Variants in MARCHF1 observed in about 807,000 individuals in gnomAD.
The protein encoded by MARCHF1 is membrane associated ring-CH-type finger 1, also known as E3 ubiquitin-protein ligase MARCHF1.
Under a neutral mutation model 54.2 loss-of-function variants are expected in MARCHF1, and 40 were observed. That is an observed-to-expected ratio of 0.74 (90% CI 0.57 to 0.96). The LOEUF (loss-of-function observed/expected upper bound fraction) is 0.96. Ranked by LOEUF, MARCHF1 falls within the 40% of genes least tolerant of loss-of-function variation. The pLI is 0.00. For missense variants in MARCHF1, 586 were observed against 656.5 expected, an observed-to-expected ratio of 0.89 and a Z score of 1.17; for synonymous variants, 236 against 236.3, an observed-to-expected ratio of 1.00 and a Z score of 0.01.
intron 1 of MARCHF1, among the ~76,000 whole-genome samples, chr4:164,158,666 A>G (rs1239472737): frequency 6.6e-6 from 1 of 152,146 alleles, no homozygotes; most frequent in Non-Finnish European, 1.5e-5. Flanking sequence ...AATTAAAAAT[A>G]AATAAACAGT....
At chr4:163,651,349 T>G (rs926837548) in intron 5 of MARCHF1, among the ~76,000 whole-genome samples, 5 of 151,814 alleles carry the variant, frequency 3.3e-5, no homozygotes, top group African/African-American at 1.2e-4. Context: ...AAACAGATTT[T>G]CAACCAGTCC....
chr4:164,119,931 C>G (rs1240004478), intron 1 of MARCHF1, among the ~76,000 whole-genome samples: 1 of 149,732 alleles, frequency 6.7e-6, no homozygotes, highest in Non-Finnish European at 1.5e-5. Flanking sequence ...CTAATAATGC[C>G]AATAGTATTT....
At chr4:163,813,311 G>C (rs750577210) in intron 4 of MARCHF1, among the ~76,000 whole-genome samples, 31 of 152,148 alleles carry the variant, frequency 2.0e-4, no homozygotes, top group Non-Finnish European at 3.4e-4. Context: ...CTCAGACTTT[G>C]ATTTCAATTT....
chr4:163,651,530 T>C (rs1223918856), intron 5 of MARCHF1, among the ~76,000 whole-genome samples: 2 of 83,636 alleles, frequency 2.4e-5, no homozygotes, highest in Non-Finnish European at 4.7e-5. Flanking sequence ...CCATACTTTT[T>C]TTTTTTTTTT....
At chr4:164,053,675 C>T (rs910543413) in intron 2 of MARCHF1, among the ~76,000 whole-genome samples, 1 of 152,146 alleles carries the variant, frequency 6.6e-6, no homozygotes, top group Non-Finnish European at 1.5e-5. Flanking sequence ...TTTGTTTACA[C>T]TCCCAAAGAT....
chr4:164,155,334 C>A (rs1373470475), intron 1 of MARCHF1, among the ~76,000 whole-genome samples: 7 of 149,448 alleles, frequency 4.7e-5, no homozygotes, highest in Admixed American at 6.7e-5. Context: ...ACTAAACTTT[C>A]AAAAAAAAAA....
At chr4:163,913,203 T>C (rs1241254867) in intron 3 of MARCHF1, among the ~76,000 whole-genome samples, 1 of 152,226 alleles carries the variant, frequency 6.6e-6, no homozygotes, top group Non-Finnish European at 1.5e-5. Context: ...AAAGCCTCGT[T>C]ATGTGTTTGC....
rs138428604 is a variant in MARCHF1, at chr4:164,045,555, G to A, written c.-247-56846C>T. 3.0e-3 allele frequency among the ~76,000 whole-genome samples: 439 copies of A among 145,556 alleles called. 4 individuals carry two copies. The highest frequency in any genetic ancestry group is 0.011 in the African/African-American group (410 of 38,610). On this transcript the variant is annotated intron_variant, in intron 2 of 9. Coordinates refer to ENST00000514618, the MANE Select transcript of MARCHF1 (RefSeq NM_001394959.1). ...AATAAATAAATAAATAAATAAAACC[G>A]TTTATTTACCAAATTTTAAGGATTA... is the stretch of plus-strand genomic sequence containing the variant.
At chr4:163,806,757 A>G (rs1748235404) in intron 4 of MARCHF1, among the ~76,000 whole-genome samples, 1 of 152,168 alleles carries the variant, frequency 6.6e-6, no homozygotes, top group South Asian at 2.1e-4. Context: ...TTCCCAAGTT[A>G]AAAGGTTTCC....
intron 4 of MARCHF1, among the ~76,000 whole-genome samples, chr4:163,707,359 G>A (rs753613003): frequency 1.3e-5 from 2 of 152,010 alleles, no homozygotes; most frequent in African/African-American, 2.4e-5. Context: ...CTATTCACAA[G>A]AGAGGCAACA....
chr4:163,805,286 T>C (rs148365463), intron 4 of MARCHF1, among the ~76,000 whole-genome samples: 1,885 of 152,240 alleles, frequency 0.012, 23 homozygotes, highest in South Asian at 0.031. Flanking sequence ...TTTATAAGAA[T>C]GCCATAATTG....
rs142537460 is a variant in MARCHF1, at chr4:163,955,735, C to A, written c.-39+32766G>T. 3.4e-3 allele frequency among the ~76,000 whole-genome samples: 516 copies of A among 152,234 alleles called. 4 individuals carry two copies. Among genetic ancestry groups the A allele is most frequent in the African/African-American group, 0.012 (486 of 41,550 alleles). On this transcript the variant is annotated intron_variant, in intron 3 of 9. Transcript: ENST00000514618. Reference sequence around the variant, plus strand: ...ATTCTTCGCTTGCAATAGATTGTGACCCTCTCTAGGATAAGCATATTCCAG... The same window carrying A: ...ATTCTTCGCTTGCAATAGATTGTGAACCTCTCTAGGATAAGCATATTCCAG...
intron 4 of MARCHF1, among the ~76,000 whole-genome samples, chr4:163,762,472 G>A (rs564403960): frequency 6.6e-6 from 1 of 152,160 alleles, no homozygotes; most frequent in Non-Finnish European, 1.5e-5. Context: ...TGCATTACTT[G>A]TGCTATTTTT....
At chr4:163,983,318 G>T (rs1026692519) in intron 3 of MARCHF1, among the ~76,000 whole-genome samples, 1 of 152,050 alleles carries the variant, frequency 6.6e-6, no homozygotes, top group Non-Finnish European at 1.5e-5. Flanking sequence ...AGATTAAGAG[G>T]CCTTGATGAA....
intron 1 of MARCHF1, among the ~76,000 whole-genome samples, chr4:164,161,545 T>TCATCAGCAG (rs765753027): frequency 6.6e-5 from 10 of 150,904 alleles, no homozygotes; most frequent in Non-Finnish European, 1.0e-4. Flanking sequence ...ATCATCATCA[T>TCATCAGCAG]CAGCAGCAGC....
chr4:163,757,611 A>G (rs1445094301), intron 4 of MARCHF1, among the ~76,000 whole-genome samples: 2 of 152,218 alleles, frequency 1.3e-5, no homozygotes. Flanking sequence ...AAACATGGAA[A>G]AGAAAAATAG....
intron 1 of MARCHF1, among the ~76,000 whole-genome samples, chr4:164,332,178 G>T (rs1722465511): frequency 6.6e-6 from 1 of 152,132 alleles, no homozygotes; most frequent in South Asian, 2.1e-4. Flanking sequence ...GCCTCCGTCA[G>T]GTCTTTTTTA....
At chr4:163,554,131 A>C (rs1344664610) in intron 8 of MARCHF1, among the ~76,000 whole-genome samples, 2 of 152,230 alleles carry the variant, frequency 1.3e-5, no homozygotes, top group African/African-American at 2.4e-5. Context: ...GATAGCAGGG[A>C]AAATGCAACT....
chr4:163,943,748 T>TA (rs5863641), intron 3 of MARCHF1, among the ~76,000 whole-genome samples: 2,740 of 123,422 alleles, frequency 0.022, 43 homozygotes, highest in South Asian at 0.043. Flanking sequence ...AAATAGAAGT[T>TA]AAAAAAAAAA....
Sources: gnomAD v4.1 joint callset for allele counts (sites outside exome capture counted in the v4.1 genomes callset) on GRCh38, gnomAD v4.1.1 for gene constraint, MANE v1.5 for transcripts, NCBI Gene and HGNC (gene_info 2026-07-23, HGNC 2026-07-21) for gene names.